Variants in EMC7 observed in about 807,000 individuals in gnomAD.
EMC7 encodes the protein endoplasmic reticulum membrane protein complex subunit 7.
EMC7 carries 4 observed loss-of-function variants against 24.4 expected under a neutral mutation model. That is an observed-to-expected ratio of 0.16 (90% confidence interval 0.08 to 0.38). The LOEUF is 0.38. EMC7 is among the 10% of genes least tolerant of loss of function. The probability of loss-of-function intolerance (pLI) is 1.00; values close to 1 mark genes in which losing one functional copy is unlikely to be tolerated. For missense variants in EMC7, 221 were observed against 300.6 expected, an observed-to-expected ratio of 0.74 and a Z score of 1.96; for synonymous variants, 106 against 112.0, an observed-to-expected ratio of 0.95 and a Z score of 0.34.
chr15:34,084,234 A>T lies in EMC7; in HGVS notation c.*100T>A. On this transcript the variant is annotated 3_prime_UTR_variant, in exon 5 of 5. Coordinates refer to ENST00000256545, the MANE Select transcript of EMC7 (RefSeq NM_020154.3). ...ACAGTTGTAAGAGATCAACGTCGGG[A>T]TGACTCAAGTTTATAGTAGTTGCTT... The T allele has an allele frequency of 1.4e-6, 2 of 1,420,526 alleles. No homozygotes were observed. Among genetic ancestry groups the T allele is most frequent in the Non-Finnish European group, 1.9e-6 (2 of 1,048,166 alleles). The allele number at this position is 1,420,526 out of a possible 1,614,324, so 88.0% of individuals were successfully genotyped here.
Position 34,095,987 on chromosome 15 carries a change from A to C in EMC7, c.264T>G (p.Asp88Glu). Residue 88 changes from aspartate (D) to glutamate (E), a missense_variant, in exon 2 of 5, where the codon GAT becomes GAG. Physicochemically the swap from Asp to Glu is conservative, Grantham distance 45. This residue lies in a region of EMC7 where 156 missense variants were observed against 177.1 expected (regional missense o/e 0.88). Transcript: ENST00000256545. ...LKTDGSFVVH[D>E]IPSGSYVVEV... ...CCACTACATAAGATCCAGAAGGTAT[A>C]TCATGAACCACAAAACTCCCATCTG... is the stretch of plus-strand genomic sequence containing the variant. The C allele has an allele frequency of 6.3e-7, 1 of 1,589,342 alleles. No homozygotes were observed. The highest frequency in any genetic ancestry group is 1.1e-5 in the South Asian group (1 of 87,590).
At chr15:34,091,504 T>C (rs545347688) in intron 2 of EMC7, among the ~76,000 whole-genome samples, 1 of 152,346 alleles carries the variant, frequency 6.6e-6, no homozygotes, top group African/African-American at 2.4e-5. Flanking sequence ...ATTGCTTAGC[T>C]TGGAAGTTCC....
At chr15:34,098,305 G>A (rs1047566296) in intron 1 of EMC7, among the ~76,000 whole-genome samples, 3 of 152,114 alleles carry the variant, frequency 2.0e-5, no homozygotes, top group Non-Finnish European at 2.9e-5. Context: ...TAACCTTGAG[G>A]ATGTAAGCTC....
At chr15:34,094,931 CAAAG>C (rs1185765444) in intron 2 of EMC7, among the ~76,000 whole-genome samples, 2 of 152,006 alleles carry the variant, frequency 1.3e-5, no homozygotes, top group Non-Finnish European at 2.9e-5. Context: ...CTTTCAATGT[CAAAG>C]AAAGCAAAGA....
At chr15:34,091,100 C>T (rs1343557058) in intron 2 of EMC7, among the ~76,000 whole-genome samples, 1 of 152,196 alleles carries the variant, frequency 6.6e-6, no homozygotes, top group Admixed American at 6.5e-5. Context: ...TCTCCCACTT[C>T]ATCAGACTTC....
At chr15:34,087,934 T>G in intron 4 of EMC7, 119 bp downstream of exon 4, 1 of 805,018 alleles carries the variant, frequency 1.2e-6, no homozygotes, top group Non-Finnish European at 2.0e-6. Flanking sequence ...GGCAGGTGGA[T>G]AGCTTGAGCC....
chr15:34,101,354 G>A (rs1352386327), intron 1 of EMC7, among the ~76,000 whole-genome samples: 1 of 152,120 alleles, frequency 6.6e-6, no homozygotes, highest in Non-Finnish European at 1.5e-5. Flanking sequence ...AAATAAGGTT[G>A]GAAATAACTG....
chr15:34,089,541 T>C (rs1354846094), intron 3 of EMC7, among the ~76,000 whole-genome samples: 7 of 152,196 alleles, frequency 4.6e-5, no homozygotes, highest in Admixed American at 4.6e-4. Context: ...ACTACTTAAA[T>C]TACCATAGAA....
At chr15:34,094,793 A>G (rs1417917811) in intron 2 of EMC7, among the ~76,000 whole-genome samples, 1 of 152,140 alleles carries the variant, frequency 6.6e-6, no homozygotes, top group Admixed American at 6.6e-5. Flanking sequence ...TATCAATAGG[A>G]GCCGGTTATA....
At chr15:34,086,364 G>A (rs554858115) in intron 4 of EMC7, 29 of 201,570 alleles carry the variant, frequency 1.4e-4, no homozygotes, top group Non-Finnish European at 2.2e-4. Flanking sequence ...CCAAGGAAGA[G>A]AGCTTCTGAA....
chr15:34,099,064 T>C (rs891459799), intron 1 of EMC7, among the ~76,000 whole-genome samples: 3 of 151,868 alleles, frequency 2.0e-5, no homozygotes, highest in Non-Finnish European at 2.9e-5. Context: ...TGTTAGATGA[T>C]ATTAAGGCAT....
intron 2 of EMC7, among the ~76,000 whole-genome samples, chr15:34,093,634 T>G (rs1597405214): frequency 6.6e-6 from 1 of 150,386 alleles, no homozygotes; most frequent in African/African-American, 2.4e-5. Flanking sequence ...ATAAAAAAAA[T>G]GTTTAAAGCA....
At chr15:34,093,806 C>CACAT (rs61440619) in intron 2 of EMC7, among the ~76,000 whole-genome samples, 2 of 30,254 alleles carry the variant, frequency 6.6e-5, no homozygotes, top group African/African-American at 1.7e-4. Context: ...CACACACACA[C>CACAT]ATATATATAT....
At chr15:34,097,732 T>C (rs1326620283) in intron 1 of EMC7, among the ~76,000 whole-genome samples, 1 of 152,152 alleles carries the variant, frequency 6.6e-6, no homozygotes, top group Non-Finnish European at 1.5e-5. Context: ...CTGATACTGA[T>C]GATATCCACA....
At chr15:34,092,261 T>TCTCACA (rs1555523197) in intron 2 of EMC7, among the ~76,000 whole-genome samples, 95 of 141,662 alleles carry the variant, frequency 6.7e-4, no homozygotes, top group Admixed American at 6.6e-3. Context: ...TGAGACTCCG[T>TCTCACA]CACACACACA....
chr15:34,087,575 T>C (rs1181301357), intron 4 of EMC7, among the ~76,000 whole-genome samples: 1 of 152,184 alleles, frequency 6.6e-6, no homozygotes, highest in East Asian at 1.9e-4. Context: ...TTGTAAAATA[T>C]TTAGATTCAG....
chr15:34,092,417 C>T (rs1017142053), intron 2 of EMC7, among the ~76,000 whole-genome samples: 4 of 152,140 alleles, frequency 2.6e-5, no homozygotes, highest in African/African-American at 4.8e-5. Flanking sequence ...GGCGCAATCT[C>T]GGCTCACTGC....
chr15:34,098,961 T>C (rs1901131594), intron 1 of EMC7, among the ~76,000 whole-genome samples: 1 of 152,198 alleles, frequency 6.6e-6, no homozygotes, highest in Non-Finnish European at 1.5e-5. Flanking sequence ...AAAAATGTAC[T>C]CTACAAAATG....
chr15:34,099,640 C>T (rs546849646), intron 1 of EMC7, among the ~76,000 whole-genome samples: 8 of 152,292 alleles, frequency 5.3e-5, no homozygotes, highest in African/African-American at 1.9e-4. Flanking sequence ...GGGTTTTGCT[C>T]TGTAGCCCAG....
Sources: allele counts gnomAD v4.1 joint callset (sites outside exome capture counted in the v4.1 genomes callset), GRCh38; gene constraint gnomAD v4.1.1; regional missense constraint gnomAD v4.1.1; transcripts MANE v1.5; gene names NCBI Gene and HGNC (gene_info 2026-07-23, HGNC 2026-07-21).